CAMK1D: variants seen among roughly 807,000 people sequenced by gnomAD.
CAMK1D encodes the protein calcium/calmodulin-dependent protein kinase type 1D.
CAMK1D carries 9 observed loss-of-function variants against 47.7 expected under a neutral mutation model. That is an observed-to-expected ratio of 0.19 (90% CI 0.11 to 0.33). The LOEUF (loss-of-function observed/expected upper bound fraction) is 0.33. Among genes scored for constraint, CAMK1D ranks in the 10% least tolerant of loss-of-function variants. The probability of loss-of-function intolerance (pLI) is 1.00; values close to 1 mark genes in which losing one functional copy is unlikely to be tolerated. For synonymous variants in CAMK1D, 184 were observed against 184.9 expected (o/e 0.99, Z 0.04); for missense variants, 291 against 488.7 (o/e 0.60, Z 3.81).
chr10:12,806,773 A>C (rs1838748957), intron 6 of CAMK1D, among the ~76,000 whole-genome samples: 1 of 152,160 alleles, frequency 6.6e-6, no homozygotes, highest in South Asian at 2.1e-4. Flanking sequence ...GAAGTGGATA[A>C]ACTAGCTGTT....
At chr10:12,449,295 G>A (rs1191221586) in intron 1 of CAMK1D, among the ~76,000 whole-genome samples, 2 of 152,136 alleles carry the variant, frequency 1.3e-5, no homozygotes, top group East Asian at 3.9e-4. Flanking sequence ...CCGTGTGGCT[G>A]TGTGAAGGGC....
chr10:12,772,642 G>T (rs532832840), intron 5 of CAMK1D, among the ~76,000 whole-genome samples: 4 of 152,218 alleles, frequency 2.6e-5, no homozygotes, highest in Non-Finnish European at 5.9e-5. Flanking sequence ...TGGCACTGAC[G>T]TGTCGGGAAT....
At chr10:12,570,452 G>T (rs184229685) in intron 2 of CAMK1D, among the ~76,000 whole-genome samples, 66 of 152,022 alleles carry the variant, frequency 4.3e-4, no homozygotes, top group Non-Finnish European at 8.2e-4. Flanking sequence ...GCCGAGATGG[G>T]TGGATCACCT....
chr10:12,714,500 C>A (rs1295987575), intron 3 of CAMK1D, among the ~76,000 whole-genome samples: 1 of 152,094 alleles, frequency 6.6e-6, no homozygotes, highest in Non-Finnish European at 1.5e-5. Context: ...GCAGGCGGAT[C>A]ACGAGGTCAG....
intron 1 of CAMK1D, among the ~76,000 whole-genome samples, chr10:12,510,059 AC>A (rs1834994518): frequency 6.6e-6 from 1 of 152,196 alleles, no homozygotes; most frequent in South Asian, 2.1e-4. Context: ...GCAGATAAGA[AC>A]CAAACTGAGC....
chr10:12,449,025 G>A (rs1387193241), intron 1 of CAMK1D, among the ~76,000 whole-genome samples: 3 of 152,118 alleles, frequency 2.0e-5, no homozygotes, highest in Non-Finnish European at 2.9e-5. Context: ...CACAGCAAGC[G>A]GTTTGTGATT....
At chr10:12,619,005 T>C (rs1838908568) in intron 2 of CAMK1D, among the ~76,000 whole-genome samples, 1 of 152,234 alleles carries the variant, frequency 6.6e-6, no homozygotes, top group Non-Finnish European at 1.5e-5. Context: ...CCAAAGTCTC[T>C]CTCTCTCAGT....
intron 1 of CAMK1D, among the ~76,000 whole-genome samples, chr10:12,539,070 G>A (rs572817629): frequency 2.1e-4 from 32 of 152,168 alleles, no homozygotes; most frequent in Non-Finnish European, 4.3e-4. Flanking sequence ...CCTGGCCTCC[G>A]TCGTATTTTT....
chr10:12,553,585 T>C (rs1260361328), intron 2 of CAMK1D, among the ~76,000 whole-genome samples: 1 of 152,222 alleles, frequency 6.6e-6, no homozygotes, highest in Non-Finnish European at 1.5e-5. Flanking sequence ...AGCACAGCTG[T>C]CAGGCAGACT....
chr10:12,672,915 T>TC (rs1840674870), intron 3 of CAMK1D, among the ~76,000 whole-genome samples: 1 of 147,080 alleles, frequency 6.8e-6, no homozygotes, highest in South Asian at 2.1e-4. Context: ...TTTTTTTTTT[T>TC]AGTCAGAGTT....
intron 1 of CAMK1D, among the ~76,000 whole-genome samples, chr10:12,373,654 A>AC (rs1459007457): frequency 3.9e-5 from 6 of 152,066 alleles, no homozygotes; most frequent in African/African-American, 1.4e-4. Context: ...AAACAAACAA[A>AC]AAAACACCCC....
intron 2 of CAMK1D, among the ~76,000 whole-genome samples, chr10:12,602,892 C>CTTG (rs1554795385): frequency 2.6e-4 from 7 of 26,424 alleles, no homozygotes; most frequent in African/African-American, 5.9e-4. Context: ...TTTCTAACTG[C>CTTG]TTGTTATTAT....
chr10:12,568,249 TTCCCCTCCCC>T (rs1487611958), intron 2 of CAMK1D, among the ~76,000 whole-genome samples: 1 of 52,970 alleles, frequency 1.9e-5, no homozygotes, highest in Non-Finnish European at 3.5e-5. Flanking sequence ...TTCCCCTCCC[TTCCCCTCCCC>T]TACCCTTCTC....
chr10:12,627,427 G>A (rs751365657), intron 2 of CAMK1D, among the ~76,000 whole-genome samples: 7 of 152,060 alleles, frequency 4.6e-5, no homozygotes, highest in Non-Finnish European at 8.8e-5. Flanking sequence ...TCCACTTAAA[G>A]TACACAGTTA....
chr10:12,440,270 A>T (rs1242084692), intron 1 of CAMK1D, among the ~76,000 whole-genome samples: 1 of 147,000 alleles, frequency 6.8e-6, no homozygotes, highest in African/African-American at 2.5e-5. Context: ...TTCCAACTAT[A>T]CGTTAGTCTT....
chr10:12,724,190 A>G (rs1834518066), intron 3 of CAMK1D, among the ~76,000 whole-genome samples: 1 of 152,230 alleles, frequency 6.6e-6, no homozygotes, highest in Non-Finnish European at 1.5e-5. Context: ...AGGTTTCACC[A>G]TGTTGGCCAG....
chr10:12,722,255 A>T (rs1002787189), intron 3 of CAMK1D, among the ~76,000 whole-genome samples: 1 of 151,776 alleles, frequency 6.6e-6, no homozygotes, highest in Non-Finnish European at 1.5e-5. Flanking sequence ...CATCCCGGGG[A>T]TAACACAGTG....
intron 2 of CAMK1D, among the ~76,000 whole-genome samples, chr10:12,591,028 C>G (rs1416009430): frequency 6.6e-6 from 1 of 152,212 alleles, no homozygotes; most frequent in Non-Finnish European, 1.5e-5. Flanking sequence ...TTAATTTTAT[C>G]TTCTCTGAAT....
chr10:12,493,297 C>T (rs1017006160), intron 1 of CAMK1D, among the ~76,000 whole-genome samples: 1 of 152,090 alleles, frequency 6.6e-6, no homozygotes, highest in Non-Finnish European at 1.5e-5. Flanking sequence ...CTTTGGGGTG[C>T]TCACAGGGCT....
Sources: allele counts gnomAD v4.1 joint callset (sites outside exome capture counted in the v4.1 genomes callset), GRCh38; gene constraint gnomAD v4.1.1; transcripts MANE v1.5; gene names NCBI Gene and HGNC (gene_info 2026-07-23, HGNC 2026-07-21).